COL20A1: variants seen among roughly 807,000 people sequenced by gnomAD.
The protein encoded by COL20A1 is collagen alpha-1(XX) chain.
A neutral mutation model predicts 152.9 loss-of-function variants in COL20A1; 164 were observed. That is an observed-to-expected ratio of 1.07 (90% CI 0.94 to 1.22). COL20A1 has a LOEUF of 1.22. Among genes scored for constraint, COL20A1 ranks in the 50% most tolerant of loss-of-function variants. The pLI is 0.00. For synonymous variants in COL20A1, 864 were observed against 756.0 expected (o/e 1.14, Z -2.34); for missense variants, 1,873 against 1,744.8 (o/e 1.07, Z -1.31).
intron 11 of COL20A1, among the ~76,000 whole-genome samples, chr20:63,310,839 C>T (rs1457610056): frequency 6.6e-6 from 1 of 152,092 alleles, no homozygotes; most frequent in Non-Finnish European, 1.5e-5. Context: ...TCTTGGACCC[C>T]CAGGGACTGC....
rs1263750838 is a variant in COL20A1 at position 63,326,621 on chromosome 20, G to A, written c.3457-131G>A. 5.2e-6 allele frequency: 3 copies of A among 580,998 alleles called. No individual in the cohort carries two copies. In the South Asian group the frequency reaches 7.8e-5, roughly 15 times the overall value. The allele number at this position is 580,998 out of a possible 1,614,324, so 36.0% of individuals were successfully genotyped here. ...CCTGCCGGAGGAATGGCCTGAAGGAGGCTGGGGCCAGCCAGGCATCCACCG... is the reference window on the plus strand; with the variant it reads ...CCTGCCGGAGGAATGGCCTGAAGGAAGCTGGGGCCAGCCAGGCATCCACCG... On this transcript the variant is annotated intron_variant, in intron 30 of 35. Coordinates refer to ENST00000358894, the MANE Select transcript of COL20A1 (RefSeq NM_020882.4).
At position 63,311,437 on chromosome 20, in the gene COL20A1, G is replaced by T; in HGVS notation, c.1437G>T (p.Thr479=). ...GGGCGCTGACCCTGGCCGCAGTGAC[G>T]CCCAGAACCGTCCACCTCACCTGGC... is the stretch of plus-strand genomic sequence containing the variant. ...PPRALTLAAV[T]PRTVHLTWQP... The change falls in exon 12 of 36, where the codon ACG becomes ACT. Residue 479 remains threonine (T), a synonymous_variant. Transcript: ENST00000358894. This position sits in a 1 kb window ranked among gnomAD's most constrained non-coding sequence, Gnocchi z 4.4. 1 of 1,574,376 alleles carries T rather than the reference G, an allele frequency of 6.4e-7. No individual in the cohort carries two copies. The highest frequency in any genetic ancestry group is 8.6e-7 in the Non-Finnish European group (1 of 1,160,574).
At chr20:63,316,779 C>T in intron 21 of COL20A1, 88 bp downstream of exon 21, 1 of 1,297,788 alleles carries the variant, frequency 7.7e-7, no homozygotes, top group Non-Finnish European at 1.0e-6. Context: ...CGGGCATGGG[C>T]CGGAGACCTC....
chr20:63,293,679 G>A (rs2067744471), intron 1 of COL20A1, among the ~76,000 whole-genome samples: 1 of 152,156 alleles, frequency 6.6e-6, no homozygotes, highest in Admixed American at 6.5e-5. Context: ...GCCCACTGGT[G>A]CCTCTGTGAT....
chr20:63,312,300 TC>T, intron 14 of COL20A1, 119 bp from the exon 15 acceptor site: 1 of 1,254,236 alleles, frequency 8.0e-7, no homozygotes, highest in Non-Finnish European at 1.1e-6. Context: ...AAGCCCATTT[TC>T]CCCGTTTCTG....
intron 3 of COL20A1, among the ~76,000 whole-genome samples, chr20:63,301,696 A>G (rs946452413): frequency 6.6e-6 from 1 of 151,862 alleles, no homozygotes; most frequent in Non-Finnish European, 1.5e-5. Flanking sequence ...TTTTTTCCTT[A>G]CATCTTACTT....
chr20:63,328,281 C>T (rs747685803), intron 33 of COL20A1, 50 bp from the exon 34 acceptor site: 43 of 1,578,342 alleles, frequency 2.7e-5, no homozygotes, highest in South Asian at 1.9e-4. Flanking sequence ...GCACAGGCCT[C>T]GCATCCCCGG....
chr20:63,326,740 G>A lies in COL20A1; in HGVS notation c.3457-12G>A, dbSNP rs369448489. ...GGGCCCAAGCCAAACCCTGACTTCT[G>A]TGTCTATGCAGGGGTTCCAGGGCAT... On this transcript the variant is annotated splice_polypyrimidine_tract_variant and intron_variant, in intron 30 of 35. Transcript: ENST00000358894. 3.5e-6 allele frequency: 5 copies of A among 1,440,728 alleles called. No homozygotes were observed. The highest frequency in any genetic ancestry group is 4.5e-6 in the Non-Finnish European group (5 of 1,099,394). The allele number at this position is 1,440,728 out of a possible 1,614,324, so 89.2% of individuals were successfully genotyped here. A position where few individuals can be genotyped will look rare whatever the true frequency, so the allele number is the denominator to read the frequency against.
At chr20:63,326,221 G>A in intron 30 of COL20A1, 72 bp downstream of exon 30, 2 of 1,231,274 alleles carry the variant, frequency 1.6e-6, no homozygotes, top group Non-Finnish European at 2.4e-6. Context: ...GCAGAGGCCA[G>A]TCTGAACACC....
At chr20:63,295,354 T>C (rs185947125) in intron 2 of COL20A1, among the ~76,000 whole-genome samples, 165 bp downstream of exon 2, 126 of 152,372 alleles carry the variant, frequency 8.3e-4, no homozygotes, top group African/African-American at 3.0e-3. Context: ...GGAGGGAGCG[T>C]GTGCTCCCGC....
At position 63,325,735 on chromosome 20, in the gene COL20A1, G is replaced by A. The variant is rs2123432878; in HGVS notation, c.3402+14G>A. On this transcript the variant is annotated intron_variant, in intron 29 of 35. Coordinates refer to ENST00000358894, the MANE Select transcript of COL20A1 (RefSeq NM_020882.4). ...CAGGGACCAAAGGTGCCGGCTCTGG[G>A]CTTGGAGGGTTCTGTCAGGGTGGTA... The A allele has an allele frequency of 6.2e-7, 1 of 1,610,826 alleles. No individual in the cohort carries two copies. Among genetic ancestry groups the A allele is most frequent in the East Asian group, 2.2e-5 (1 of 44,864 alleles).
chr20:63,307,604 G>C lies in COL20A1; in HGVS notation c.611G>C (p.Ser204Thr). Residue 204 changes from serine (S) to threonine (T), a missense_variant, in exon 6 of 36, where the codon AGT becomes ACT. Coordinates refer to ENST00000358894, the MANE Select transcript of COL20A1 (RefSeq NM_020882.4). ...CAGCAGGTCAAGGACTTCCTGGCCAGTGTCATCGCACCCTTTGAAATCGGG... is the reference window on the plus strand; with the variant it reads ...CAGCAGGTCAAGGACTTCCTGGCCACTGTCATCGCACCCTTTGAAATCGGG... ...HFQQVKDFLA[S>T]VIAPFEIGPD... The C allele has an allele frequency of 1.2e-6, 2 of 1,612,664 alleles. No homozygotes were observed. The highest frequency in any genetic ancestry group is 1.7e-6 in the Non-Finnish European group (2 of 1,179,742).
At chr20:63,300,961 G>T (rs1360555741) in intron 3 of COL20A1, among the ~76,000 whole-genome samples, 1 of 151,978 alleles carries the variant, frequency 6.6e-6, no homozygotes, top group South Asian at 2.1e-4. Context: ...TTTTTGTTTT[G>T]GATTTCTTCC....
intron 7 of COL20A1, 125 bp downstream of exon 7, chr20:63,308,215 C>T (rs937017697): frequency 1.7e-6 from 2 of 1,173,220 alleles, no homozygotes; most frequent in South Asian, 1.5e-5. Flanking sequence ...CTGTTCACAC[C>T]TTTATAGAGG....
At chr20:63,318,394 G>A (rs1299698405) in intron 21 of COL20A1, among the ~76,000 whole-genome samples, 2 of 43,412 alleles carry the variant, frequency 4.6e-5, no homozygotes, top group South Asian at 1.4e-3. Context: ...ATTCTATCAG[G>A]GGCCCGAGAC....
Position 63,309,242 on chromosome 20 carries a change from C to T in COL20A1, c.941-91C>T, listed in dbSNP as rs1175655350. 4 of 1,096,064 alleles carry T rather than the reference C, an allele frequency of 3.6e-6. No homozygotes were observed. The African/African-American group carries it at 6.5e-5, about 18-fold the overall frequency. 67.9% of individuals were successfully genotyped at this position (1,096,064 alleles called of 1,614,324 possible). On this transcript the variant is annotated intron_variant, in intron 8 of 35. Transcript: ENST00000358894. Reference sequence around the variant, plus strand: ...AGTACAGCCCATAGGCCTCTTTACTCCTGACCCAGTCTCCATGGAGACCCC... The same window carrying T: ...AGTACAGCCCATAGGCCTCTTTACTTCTGACCCAGTCTCCATGGAGACCCC...
intron 26 of COL20A1, 29 bp downstream of exon 26, chr20:63,321,128 AC>A: frequency 6.7e-7 from 1 of 1,491,474 alleles, no homozygotes; most frequent in Non-Finnish European, 9.2e-7. Flanking sequence ...CCTTGGGGTG[AC>A]CAGGGAACAC....
chr20:63,310,304 G>T, intron 10 of COL20A1, 77 bp from the exon 11 acceptor site: 2 of 1,523,028 alleles, frequency 1.3e-6, no homozygotes, highest in Non-Finnish European at 8.9e-7. Flanking sequence ...TCACACTCCA[G>T]CTGACGGAGT....
At chr20:63,329,733 A>G (rs1263680439) in intron 35 of COL20A1, 72 bp downstream of exon 35, 3 of 1,096,754 alleles carry the variant, frequency 2.7e-6, no homozygotes, top group African/African-American at 3.2e-5. Flanking sequence ...CTGAGGGGCC[A>G]ACGGGTGGGG....
Sources: allele counts gnomAD v4.1 joint callset (sites outside exome capture counted in the v4.1 genomes callset), GRCh38; gene constraint gnomAD v4.1.1; non-coding constraint Gnocchi (gnomAD v3.1); transcripts MANE v1.5; gene names NCBI Gene and HGNC (gene_info 2026-07-23, HGNC 2026-07-21).